KCNK9: variants seen among roughly 807,000 people sequenced by gnomAD.
KCNK9 encodes potassium two pore domain channel subfamily K member 9.
Under a neutral mutation model 10.8 loss-of-function variants are expected in KCNK9, and 1 was observed. That is an observed-to-expected ratio of 0.09 (90% CI 0.03 to 0.44). KCNK9 has a LOEUF of 0.44. Ranked by LOEUF, KCNK9 falls within the 20% of genes least tolerant of loss-of-function variation. The pLI, the probability that KCNK9 is intolerant of heterozygous loss-of-function variation, is 0.97. For missense variants in KCNK9, 303 were observed against 515.0 expected (o/e 0.59, Z 3.98); for synonymous variants, 231 against 222.7 (o/e 1.04, Z -0.33).
At chr8:139,639,313 TG>T (rs1164729373) in intron 1 of KCNK9, among the ~76,000 whole-genome samples, 6 of 152,182 alleles carry the variant, frequency 3.9e-5, no homozygotes, top group African/African-American at 1.4e-4. Flanking sequence ...AATGGAGGCA[TG>T]GAAGGTGGAG....
chr8:139,700,182 G>C (rs372306285), intron 1 of KCNK9, among the ~76,000 whole-genome samples: 45 of 152,330 alleles, frequency 3.0e-4, no homozygotes, highest in African/African-American at 1.0e-3. Context: ...GCGGAGGCTC[G>C]ATCAGGCTTC....
intron 1 of KCNK9, among the ~76,000 whole-genome samples, chr8:139,648,331 T>G (rs1432346227): frequency 6.6e-6 from 1 of 152,092 alleles, no homozygotes; most frequent in African/African-American, 2.4e-5. Context: ...AGATGTTGTT[T>G]TGGAACTACA....
intron 1 of KCNK9, among the ~76,000 whole-genome samples, chr8:139,676,807 CT>C (rs1442403976): frequency 2.0e-5 from 3 of 152,114 alleles, no homozygotes; most frequent in Middle Eastern, 3.2e-3. Context: ...AAAAAATTAG[CT>C]GAGTGTGGTG....
chr8:139,676,585 C>T (rs1816554436), intron 1 of KCNK9, among the ~76,000 whole-genome samples: 1 of 152,228 alleles, frequency 6.6e-6, no homozygotes, highest in Admixed American at 6.5e-5. Flanking sequence ...GTGTAAGTCA[C>T]ATGCCAGGCA....
intron 2 of KCNK9, among the ~76,000 whole-genome samples, chr8:139,604,804 A>T (rs529134453): frequency 6.6e-6 from 1 of 152,320 alleles, no homozygotes; most frequent in Non-Finnish European, 1.5e-5. Context: ...CTGAGCAGGT[A>T]AGCAGGGAAA....
intron 1 of KCNK9, among the ~76,000 whole-genome samples, chr8:139,689,378 T>G (rs946268236): frequency 2.6e-5 from 4 of 151,972 alleles, no homozygotes; most frequent in Non-Finnish European, 5.9e-5. Context: ...AAAGCTATGC[T>G]CTCCACTATA....
At chr8:139,649,748 G>T (rs548190537) in intron 1 of KCNK9, among the ~76,000 whole-genome samples, 42 of 152,148 alleles carry the variant, frequency 2.8e-4, no homozygotes, top group Non-Finnish European at 5.1e-4. Flanking sequence ...ACCCTGGGGG[G>T]AAAAAAATTG....
intron 1 of KCNK9, among the ~76,000 whole-genome samples, chr8:139,698,555 T>C (rs528390219): frequency 2.6e-5 from 4 of 152,246 alleles, no homozygotes; most frequent in African/African-American, 7.2e-5. Context: ...AGGGAAGGGG[T>C]TGAAGCAGCC....
chr8:139,697,605 G>A (rs924447770), intron 1 of KCNK9, among the ~76,000 whole-genome samples: 3 of 152,038 alleles, frequency 2.0e-5, no homozygotes, highest in Admixed American at 2.0e-4. Flanking sequence ...ACTGGGGCCT[G>A]TTTCACCTAC....
chr8:139,608,851 G>C (rs1045893483), downstream of KCNK9, among the ~76,000 whole-genome samples: 2 of 152,170 alleles, frequency 1.3e-5, no homozygotes, highest in Admixed American at 6.5e-5. Flanking sequence ...GTGGCTCTTG[G>C]CTTATGGTTT....
In KCNK9 at chr8:139,605,050, C is replaced by T. The variant is rs182014722; in HGVS notation, c.*1-3449G>A. Among the ~76,000 whole-genome samples the T allele has an allele frequency of 3.2e-3, 481 of 152,314 alleles. 4 individuals carry two copies. The highest frequency in any genetic ancestry group is 0.011 in the African/African-American group (448 of 41,566). On this transcript the variant is annotated intron_variant, in intron 2 of 2. Coordinates refer to the KCNK9 transcript ENST00000650269. ...CTTCATGAGCCTTCCAGGTGGAGCT[C>T]GGGAGCCCCAATACTTGGGCAGCTC...
At chr8:139,671,936 C>A (rs1050175638) in intron 1 of KCNK9, among the ~76,000 whole-genome samples, 22 of 152,166 alleles carry the variant, frequency 1.4e-4, no homozygotes, top group Non-Finnish European at 2.6e-4. Context: ...CACCTGTCCT[C>A]ATGGGGTCTG....
At chr8:139,605,595 A>G (rs1246514545) in intron 2 of KCNK9, among the ~76,000 whole-genome samples, 1 of 152,234 alleles carries the variant, frequency 6.6e-6, no homozygotes, top group African/African-American at 2.4e-5. Flanking sequence ...GGTCTTGTCC[A>G]ACCTTTCTCA....
At position 139,618,410 on chromosome 8, in the gene KCNK9, G is replaced by A. The variant is rs151238884; in HGVS notation, c.973C>T (p.His325Tyr). ...QNSFSAKLAP[H>Y]YFHSISYKIE... ...TTGTAAGAGATGGAGTGGAAGTAGT[G>A]GGGGGCAAGCTTGGCGCTGAAGGAG... The change falls in exon 2 of 2, where the codon CAC becomes TAC. Residue 325 changes from histidine to tyrosine, a missense_variant. Physicochemically the swap from His to Tyr is moderately conservative, Grantham distance 83. Coordinates refer to ENST00000520439, the MANE Select transcript of KCNK9 (RefSeq NM_001282534.2). The surrounding 1 kb of genome is among the most constrained non-coding windows in gnomAD (Gnocchi z 7.9). 2.5e-6 allele frequency: 4 copies of A among 1,614,190 alleles called. No individual in the cohort carries two copies. Among genetic ancestry groups the A allele is most frequent in the African/African-American group, 1.3e-5 (1 of 75,054 alleles).
chr8:139,642,507 G>T (rs577029024), intron 1 of KCNK9, among the ~76,000 whole-genome samples: 28 of 152,286 alleles, frequency 1.8e-4, no homozygotes, highest in Admixed American at 7.2e-4. Flanking sequence ...GCCTGGCAAG[G>T]GGACAGTCCC....
At chr8:139,611,645 A>G (rs6980639), downstream of KCNK9, 26,308 of 152,268 alleles carry the variant, frequency 0.17, 3,375 homozygotes, top group African/African-American at 0.36. Context: ...GTATGCTCCC[A>G]TAGTCTGGTG....
At chr8:139,623,022 G>A (rs890463555) in intron 1 of KCNK9, among the ~76,000 whole-genome samples, 4 of 152,206 alleles carry the variant, frequency 2.6e-5, no homozygotes, top group Admixed American at 2.0e-4. Context: ...GTGTGCGCCT[G>A]TAGAACACAC....
At chr8:139,613,777 T>G (rs949882144), downstream of KCNK9, among the ~76,000 whole-genome samples, 1 of 152,188 alleles carries the variant, frequency 6.6e-6, no homozygotes, top group Non-Finnish European at 1.5e-5. Flanking sequence ...CTACGGTGTT[T>G]CCAGGGTCTG....
chr8:139,652,562 G>A (rs1815899407), intron 1 of KCNK9, among the ~76,000 whole-genome samples: 1 of 152,180 alleles, frequency 6.6e-6, no homozygotes, highest in South Asian at 2.1e-4. Context: ...CTGGGGGCGG[G>A]GGCCGCCAGC....
Sources: gnomAD v4.1 joint callset for allele counts (sites outside exome capture counted in the v4.1 genomes callset) on GRCh38, gnomAD v4.1.1 for gene constraint, Gnocchi (gnomAD v3.1) non-coding constraint, MANE v1.5 for transcripts, NCBI Gene and HGNC (gene_info 2026-07-23, HGNC 2026-07-21) for gene names.